Variants in ZCCHC7 observed in about 807,000 individuals in gnomAD.
ZCCHC7 encodes the protein zinc finger CCHC-type containing 7.
In ZCCHC7, 35 loss-of-function variants were observed where a neutral mutation model predicts 52.0. The ratio of observed to expected loss-of-function variants is 0.67; its 90% CI spans 0.51 to 0.89. The LOEUF (loss-of-function observed/expected upper bound fraction) is 0.89, where lower values mean the gene tolerates loss of function less well. Ranked by LOEUF, ZCCHC7 falls within the 40% of genes least tolerant of loss-of-function variation. The probability of loss-of-function intolerance (pLI) is 0.00; values close to 1 mark genes in which losing one functional copy is unlikely to be tolerated. For synonymous variants in ZCCHC7, 217 were observed against 221.5 expected (o/e 0.98, Z 0.18); for missense variants, 574 against 649.1 (o/e 0.88, Z 1.26).
intron 2 of ZCCHC7, among the ~76,000 whole-genome samples, chr9:37,219,610 TA>T (rs2133254140): frequency 6.6e-6 from 1 of 152,336 alleles, no homozygotes; most frequent in South Asian, 2.1e-4. Flanking sequence ...TTATTTTTCC[TA>T]AGGGATATAA....
rs1821599241 is a variant in ZCCHC7, at chr9:37,354,838, C to T, written c.1198+14C>T. ...AAAAAATAAAAGGTATGTTGCTAGACTTCTTGTTAGATCACATTTGCAGTA... is the reference window on the plus strand; with the variant it reads ...AAAAAATAAAAGGTATGTTGCTAGATTTCTTGTTAGATCACATTTGCAGTA... On this transcript the variant is annotated intron_variant, in intron 8 of 8. Transcript: ENST00000336755. The surrounding 1 kb of genome is among the most constrained non-coding windows in gnomAD (Gnocchi z 4.0). The T allele has an allele frequency of 6.5e-7, 1 of 1,531,562 alleles. No homozygotes were observed. The highest frequency in any genetic ancestry group is 9.0e-7 in the Non-Finnish European group (1 of 1,112,084). The allele number at this position is 1,531,562 out of a possible 1,614,324, so 94.9% of individuals were successfully genotyped here.
intron 6 of ZCCHC7, among the ~76,000 whole-genome samples, chr9:37,330,609 A>T (rs1051970908): frequency 2.0e-5 from 3 of 151,682 alleles, no homozygotes; most frequent in Admixed American, 6.6e-5. Flanking sequence ...TAATATTTTT[A>T]CCTCCTTCAA....
intron 2 of ZCCHC7, among the ~76,000 whole-genome samples, chr9:37,164,853 A>T (rs776088415): frequency 6.6e-6 from 1 of 152,240 alleles, no homozygotes; most frequent in African/African-American, 2.4e-5. Context: ...GTCATGAGCC[A>T]CTGCACCCAG....
intron 6 of ZCCHC7, among the ~76,000 whole-genome samples, chr9:37,342,688 G>A (rs1564267189): frequency 6.6e-6 from 1 of 152,186 alleles, no homozygotes; most frequent in Non-Finnish European, 1.5e-5. Context: ...ACCTGGTCAG[G>A]TTTTACTGAT....
chr9:37,291,592 G>A (rs1487649673), intron 2 of ZCCHC7, among the ~76,000 whole-genome samples: 1 of 152,184 alleles, frequency 6.6e-6, no homozygotes, highest in Non-Finnish European at 1.5e-5. Context: ...AGATGATATA[G>A]AAATGAAAAA....
chr9:37,143,847 G>A (rs1438565537), intron 2 of ZCCHC7, among the ~76,000 whole-genome samples: 4 of 151,722 alleles, frequency 2.6e-5, no homozygotes, highest in Non-Finnish European at 5.9e-5. Context: ...TTTTGATTAT[G>A]ATATTTTGAT....
intron 6 of ZCCHC7, among the ~76,000 whole-genome samples, chr9:37,344,600 C>G (rs1481099816): frequency 1.3e-5 from 2 of 152,182 alleles, no homozygotes; most frequent in African/African-American, 4.8e-5. Context: ...CATGGCTTTT[C>G]TTGTTATGAG....
At chr9:37,158,733 T>A (rs752822531) in intron 2 of ZCCHC7, among the ~76,000 whole-genome samples, 1 of 152,214 alleles carries the variant, frequency 6.6e-6, no homozygotes, top group African/African-American at 2.4e-5. Flanking sequence ...TTATTCTCCT[T>A]AGAATCCATC....
intron 2 of ZCCHC7, among the ~76,000 whole-genome samples, chr9:37,249,057 A>C (rs527871847): frequency 1.3e-5 from 2 of 152,140 alleles, no homozygotes; most frequent in South Asian, 4.1e-4. Flanking sequence ...CTTCCCATAA[A>C]CTTGAATATT....
chr9:37,333,504 C>T (rs936714094), intron 6 of ZCCHC7, among the ~76,000 whole-genome samples: 4 of 151,566 alleles, frequency 2.6e-5, no homozygotes, highest in Admixed American at 6.6e-5. Context: ...TCTCACATGG[C>T]CTTAAAGTTG....
At chr9:37,231,486 G>A (rs1311325031) in intron 2 of ZCCHC7, among the ~76,000 whole-genome samples, 1 of 151,974 alleles carries the variant, frequency 6.6e-6, no homozygotes, top group Non-Finnish European at 1.5e-5. Context: ...TTTGTTCCTG[G>A]TTAATAGGTA....
chr9:37,206,252 C>G (rs762952393), intron 2 of ZCCHC7, among the ~76,000 whole-genome samples: 4 of 150,346 alleles, frequency 2.7e-5, no homozygotes, highest in Non-Finnish European at 4.4e-5. Flanking sequence ...AGCTTTCTTT[C>G]CCCTCCCTCT....
chr9:37,193,817 T>C (rs1823143288), intron 2 of ZCCHC7, among the ~76,000 whole-genome samples: 1 of 152,194 alleles, frequency 6.6e-6, no homozygotes, highest in Admixed American at 6.5e-5. Context: ...TTTGTCCGCC[T>C]TCAGGAATTT....
intron 2 of ZCCHC7, among the ~76,000 whole-genome samples, chr9:37,165,160 A>G (rs192427867): frequency 1.3e-4 from 20 of 152,314 alleles, no homozygotes; most frequent in Admixed American, 6.5e-5. Flanking sequence ...TTACTGGTAT[A>G]TATTGATCTT....
chr9:37,356,888 G>A lies in ZCCHC7; in HGVS notation c.1252G>A (p.Ala418Thr). The A allele has an allele frequency of 6.2e-7, 1 of 1,611,728 alleles. No individual in the cohort carries two copies. Among genetic ancestry groups the A allele is most frequent in the Non-Finnish European group, 8.5e-7 (1 of 1,179,518 alleles). Residue 418 changes from alanine to threonine, a missense_variant, in exon 9 of 9, where the codon GCA becomes ACA. Coordinates refer to ENST00000336755, the MANE Select transcript of ZCCHC7 (RefSeq NM_032226.3). Reference protein sequence around the residue: ...PEPSKLPYIKAANENPHHDIR... With the variant: ...PEPSKLPYIKTANENPHHDIR... ...GCCATCCAAGCTACCTTATATAAAA[G>A]CAGCAAATGAGAACCCCCACCATGA... is the stretch of plus-strand genomic sequence containing the variant.
chr9:37,280,361 T>A (rs1827894274), intron 2 of ZCCHC7, among the ~76,000 whole-genome samples: 1 of 152,124 alleles, frequency 6.6e-6, no homozygotes, highest in Admixed American at 6.5e-5. Flanking sequence ...AAGATCAGAG[T>A]AATACTGTAT....
chr9:37,312,521 A>G (rs1362130777), intron 5 of ZCCHC7, among the ~76,000 whole-genome samples: 2 of 152,258 alleles, frequency 1.3e-5, no homozygotes, highest in African/African-American at 4.8e-5. Flanking sequence ...CAGATGATGC[A>G]TACCTAGAAA....
At chr9:37,208,878 G>C (rs1243364146) in intron 2 of ZCCHC7, among the ~76,000 whole-genome samples, 2 of 152,050 alleles carry the variant, frequency 1.3e-5, no homozygotes, top group African/African-American at 4.8e-5. Flanking sequence ...GGCAAAAAAG[G>C]CTATATATGA....
intron 8 of ZCCHC7, among the ~76,000 whole-genome samples, chr9:37,356,576 T>A (rs888213598): frequency 2.0e-5 from 3 of 152,216 alleles, no homozygotes; most frequent in African/African-American, 7.2e-5. Flanking sequence ...ATTACTGTTC[T>A]TACAGGTCCT....
Sources: allele counts gnomAD v4.1 joint callset (sites outside exome capture counted in the v4.1 genomes callset), GRCh38; gene constraint gnomAD v4.1.1; non-coding constraint Gnocchi (gnomAD v3.1); transcripts MANE v1.5; gene names NCBI Gene and HGNC (gene_info 2026-07-23, HGNC 2026-07-21).